SYT11: variants seen among roughly 807,000 people sequenced by gnomAD.
The protein encoded by SYT11 is synaptotagmin-11.
Under a neutral mutation model 30.4 loss-of-function variants are expected in SYT11, and 12 were observed. The ratio of observed to expected loss-of-function variants is 0.39; its 90% CI spans 0.25 to 0.64. The LOEUF is 0.64. Among genes scored for constraint, SYT11 ranks in the 30% least tolerant of loss-of-function variants. SYT11 has a pLI of 0.45. For synonymous variants in SYT11, 204 were observed against 216.0 expected, an observed-to-expected ratio of 0.94 and a Z score of 0.49; for missense variants, 412 against 552.0, an observed-to-expected ratio of 0.75 and a Z score of 2.54.
Position 155,883,332 on chromosome 1 carries a change from A to C in SYT11, c.*1824A>C, listed in dbSNP as rs1673011793. On this transcript the variant is annotated 3_prime_UTR_variant, in exon 4 of 4. Coordinates refer to ENST00000368324, the MANE Select transcript of SYT11 (RefSeq NM_152280.5). ...AAAGATCGCTTGAGCCCAGGAGTTC[A>C]AGACCAGCCTGGGCTACATGACGAA... 1 of 152,360 alleles carries C rather than the reference A, an allele frequency of 6.6e-6. No homozygotes were observed. Among genetic ancestry groups the C allele is most frequent in the Admixed American group, 6.5e-5 (1 of 15,274 alleles). 9.4% of individuals were successfully genotyped at this position (152,360 alleles called of 1,614,324 possible). A position where few individuals can be genotyped will look rare whatever the true frequency, so the allele number is the denominator to read the frequency against.
At chr1:155,876,131 T>G (rs1672854959) in intron 2 of SYT11, among the ~76,000 whole-genome samples, 1 of 152,130 alleles carries the variant, frequency 6.6e-6, no homozygotes, top group African/African-American at 2.4e-5. Context: ...TAGATGACAT[T>G]TCTTTGGGGC....
intron 1 of SYT11, among the ~76,000 whole-genome samples, chr1:155,866,257 T>C (rs1672673848): frequency 6.6e-6 from 1 of 151,968 alleles, no homozygotes; most frequent in African/African-American, 2.4e-5. Flanking sequence ...GGATTACAGG[T>C]GTGTGTCACC....
Position 155,859,814 on chromosome 1 carries a change from A to C in SYT11, c.34+19A>C. 1 of 1,613,482 alleles carries C rather than the reference A, an allele frequency of 6.2e-7. No individual in the cohort carries two copies. The highest frequency in any genetic ancestry group is 8.5e-7 in the Non-Finnish European group (1 of 1,179,370). Reference sequence around the variant, plus strand: ...AGCTTTGGTAAGTAGACTCGGGAAAACTAAGCTTGAGGTGGTCAGAATGGT... The same window carrying C: ...AGCTTTGGTAAGTAGACTCGGGAAACCTAAGCTTGAGGTGGTCAGAATGGT... On this transcript the variant is annotated intron_variant, in intron 1 of 3. Coordinates refer to ENST00000368324, the MANE Select transcript of SYT11 (RefSeq NM_152280.5).
intron 2 of SYT11, among the ~76,000 whole-genome samples, chr1:155,878,772 C>A (rs925677284): frequency 2.6e-5 from 4 of 151,924 alleles, no homozygotes; most frequent in Non-Finnish European, 5.9e-5. Context: ...GAGGATGAGG[C>A]AGGAGAATGG....
At chr1:155,866,732 A>C (rs891826572) in intron 1 of SYT11, among the ~76,000 whole-genome samples, 6 of 151,966 alleles carry the variant, frequency 3.9e-5, no homozygotes, top group Admixed American at 3.9e-4. Context: ...TTGCACTTTT[A>C]AATAGGTGAG....
At chr1:155,872,006 G>A (rs1672787940) in intron 2 of SYT11, among the ~76,000 whole-genome samples, 1 of 151,768 alleles carries the variant, frequency 6.6e-6, no homozygotes, top group South Asian at 2.1e-4. Context: ...TTCCTGGTCT[G>A]GATTACATAG....
rs893325727 is a variant in SYT11, at chr1:155,860,616, A to C, written c.34+821A>C. Reference sequence around the variant, plus strand: ...GGGGCGCGATCCAGGCCGGAGGGGGAGGGGCGAAAGAGGCCCAGCCCGGGG... The same window carrying C: ...GGGGCGCGATCCAGGCCGGAGGGGGCGGGGCGAAAGAGGCCCAGCCCGGGG... On this transcript the variant is annotated intron_variant, in intron 1 of 3. Coordinates refer to ENST00000368324, the MANE Select transcript of SYT11 (RefSeq NM_152280.5). This position sits in a 1 kb window ranked among gnomAD's most constrained non-coding sequence, Gnocchi z 4.1. Among the ~76,000 whole-genome samples the C allele has an allele frequency of 1.3e-5, 2 of 151,536 alleles. No individual in the cohort carries two copies. The highest frequency in any genetic ancestry group is 2.9e-5 in the Non-Finnish European group (2 of 67,860).
chr1:155,869,362 C>CTATTCTCCTGCT (rs1672747007), intron 2 of SYT11, among the ~76,000 whole-genome samples: 3 of 151,184 alleles, frequency 2.0e-5, no homozygotes, highest in Admixed American at 2.0e-4. Context: ...CCCCCACCGC[C>CTATTCTCCTGCT]CAGGTTCAAG....
At chr1:155,866,366 C>G (rs918460143) in intron 1 of SYT11, among the ~76,000 whole-genome samples, 1 of 152,158 alleles carries the variant, frequency 6.6e-6, no homozygotes, top group African/African-American at 2.4e-5. Context: ...ATCTGCCTGC[C>G]TCAGCCTCCC....
intron 2 of SYT11, among the ~76,000 whole-genome samples, chr1:155,869,496 T>C (rs1008441788): frequency 9.9e-5 from 15 of 152,210 alleles, no homozygotes; most frequent in African/African-American, 3.6e-4. Flanking sequence ...AGTCTTGAAC[T>C]TCTATCCTCA....
rs539789784 is a variant in SYT11, at chr1:155,859,801, T to C, written c.34+6T>C. 5 of 1,613,916 alleles carry C rather than the reference T, an allele frequency of 3.1e-6. No homozygotes were observed. Among genetic ancestry groups the C allele is most frequent in the Non-Finnish European group, 4.2e-6 (5 of 1,179,786 alleles). On this transcript the variant is annotated splice_donor_region_variant and intron_variant, in intron 1 of 3. Coordinates refer to ENST00000368324, the MANE Select transcript of SYT11 (RefSeq NM_152280.5). ...CAATATCCGACCTAGCTTTGGTAAG[T>C]AGACTCGGGAAAACTAAGCTTGAGG...
chr1:155,864,968 C>T (rs1473165456), intron 1 of SYT11, among the ~76,000 whole-genome samples: 1 of 152,094 alleles, frequency 6.6e-6, no homozygotes, highest in African/African-American at 2.4e-5. Flanking sequence ...ACCTCAGCCT[C>T]CCAAAGTGCT....
intron 1 of SYT11, among the ~76,000 whole-genome samples, chr1:155,864,080 A>T (rs535115056): frequency 1.9e-4 from 28 of 150,680 alleles, no homozygotes; most frequent in African/African-American, 5.6e-4. Context: ...GTGAAATTCC[A>T]TCTCTGCAAA....
intron 2 of SYT11, among the ~76,000 whole-genome samples, chr1:155,871,319 C>T (rs542068226): frequency 6.6e-6 from 1 of 152,294 alleles, no homozygotes; most frequent in South Asian, 2.1e-4. Context: ...TTCCGTATTC[C>T]CTTCACAGCA....
intron 1 of SYT11, among the ~76,000 whole-genome samples, chr1:155,864,024 T>C (rs1672631531): frequency 1.3e-5 from 2 of 152,112 alleles, no homozygotes; most frequent in Non-Finnish European, 2.9e-5. Context: ...AAAGCTTCAG[T>C]AAGCTGCGAT....
At chr1:155,871,385 C>T (rs1007706022) in intron 2 of SYT11, among the ~76,000 whole-genome samples, 2 of 152,174 alleles carry the variant, frequency 1.3e-5, no homozygotes, top group Non-Finnish European at 2.9e-5. Flanking sequence ...GGAGCCTTTC[C>T]AATACACCCT....
In SYT11 at chr1:155,881,676, T is replaced by C; in HGVS notation, c.*168T>C. On this transcript the variant is annotated 3_prime_UTR_variant, in exon 4 of 4. Transcript: ENST00000368324. ...CTATATGACCACAGCTGCAGATCAG[T>C]TCTTAGCAATGATGTTTTTTTTTCT... The C allele has an allele frequency of 1.8e-6, 1 of 555,334 alleles. No homozygotes were observed. The highest frequency in any genetic ancestry group is 3.1e-6 in the Non-Finnish European group (1 of 317,904). The allele number at this position is 555,334 out of a possible 1,614,324, so 34.4% of individuals were successfully genotyped here. A position where few individuals can be genotyped will look rare whatever the true frequency, so the allele number is the denominator to read the frequency against.
At chr1:155,871,628 G>C (rs1672781912) in intron 2 of SYT11, among the ~76,000 whole-genome samples, 1 of 152,212 alleles carries the variant, frequency 6.6e-6, no homozygotes, top group South Asian at 2.1e-4. Context: ...CTCTTGGCAA[G>C]AGCCACATTT....
intron 2 of SYT11, among the ~76,000 whole-genome samples, chr1:155,873,203 G>A (rs1001775510): frequency 6.6e-5 from 10 of 152,086 alleles, no homozygotes; most frequent in East Asian, 3.9e-4. Flanking sequence ...CGAGGCAGGC[G>A]GATCACAAGG....
Sources: gnomAD v4.1 joint callset for allele counts (sites outside exome capture counted in the v4.1 genomes callset) on GRCh38, gnomAD v4.1.1 for gene constraint, Gnocchi (gnomAD v3.1) non-coding constraint, MANE v1.5 for transcripts, NCBI Gene and HGNC (gene_info 2026-07-23, HGNC 2026-07-21) for gene names.